UNC79: variants seen among roughly 807,000 people sequenced by gnomAD.
UNC79 encodes unc-79 subunit of NALCN channel complex.
A neutral mutation model predicts 283.1 loss-of-function variants in UNC79; 37 were observed. The observed-to-expected ratio is 0.13, with a 90% confidence interval of 0.10 to 0.17. UNC79 has a LOEUF of 0.17. Among genes scored for constraint, UNC79 ranks in the 10% least tolerant of loss-of-function variants. The pLI is 1.00. For synonymous variants in UNC79, 1,107 were observed against 1,200.2 expected, an observed-to-expected ratio of 0.92 and a Z score of 1.61; for missense variants, 2,272 against 3,211.1, an observed-to-expected ratio of 0.71 and a Z score of 7.07.
chr14:93,685,201 C>T (rs2074142866), intron 42 of UNC79, among the ~76,000 whole-genome samples: 1 of 152,126 alleles, frequency 6.6e-6, no homozygotes. Context: ...GAATAATGCT[C>T]CTAGGAATTA....
chr14:93,441,389 CCTTTT>C (rs1399016831), intron 1 of UNC79, among the ~76,000 whole-genome samples: 3 of 151,946 alleles, frequency 2.0e-5, no homozygotes, highest in African/African-American at 7.2e-5. Context: ...ATCTGAAAAT[CCTTTT>C]CTTTTAATAG....
intron 1 of UNC79, among the ~76,000 whole-genome samples, chr14:93,412,115 T>C (rs1486970159): frequency 6.6e-6 from 1 of 152,174 alleles, no homozygotes; most frequent in Non-Finnish European, 1.5e-5. Flanking sequence ...GAAGCAGAAA[T>C]TCTGGAGTTG....
intron 40 of UNC79, among the ~76,000 whole-genome samples, chr14:93,665,309 T>C (rs2072067407): frequency 6.6e-6 from 1 of 150,552 alleles, no homozygotes; most frequent in South Asian, 2.1e-4. Context: ...AAAAACTTAA[T>C]GGATAGATTA....
At chr14:93,496,537 T>C (rs908832364) in intron 6 of UNC79, 71 bp downstream of exon 6, 12 of 1,097,200 alleles carry the variant, frequency 1.1e-5, no homozygotes, top group Non-Finnish European at 1.4e-5. Flanking sequence ...ACTGTTTACG[T>C]ATTAAAACTG....
chr14:93,493,902 T>TATATATATATATATATATA (rs1491278051), intron 5 of UNC79, among the ~76,000 whole-genome samples: 1 of 14,528 alleles, frequency 6.9e-5, no homozygotes, highest in African/African-American at 1.8e-4. Context: ...TATATATATA[T>TATATATATATATATATATA]TTTTTTTTTT....
chr14:93,653,112 C>T (rs948643202), intron 35 of UNC79, among the ~76,000 whole-genome samples: 6 of 151,962 alleles, frequency 3.9e-5, no homozygotes, highest in Non-Finnish European at 7.4e-5. Context: ...TAACTTACCC[C>T]CTAACTACAT....
At chr14:93,501,342 T>TAA (rs540076096) in intron 7 of UNC79, among the ~76,000 whole-genome samples, 4 of 150,298 alleles carry the variant, frequency 2.7e-5, no homozygotes, top group African/African-American at 9.8e-5. Flanking sequence ...AAAAATAAAT[T>TAA]AAAAAAAAAA....
chr14:93,355,539 G>T (rs2054069097), intron 1 of UNC79, among the ~76,000 whole-genome samples: 1 of 152,236 alleles, frequency 6.6e-6, no homozygotes, highest in Non-Finnish European at 1.5e-5. Flanking sequence ...CACCATGTTG[G>T]CCAGGGTGGT....
chr14:93,457,265 G>T (rs1003158898), intron 1 of UNC79, among the ~76,000 whole-genome samples: 2 of 152,188 alleles, frequency 1.3e-5, no homozygotes, highest in Non-Finnish European at 2.9e-5. Context: ...TGATCTGAAG[G>T]TTCTAGTAGC....
chr14:93,530,352 C>T (rs1365846223), intron 10 of UNC79, among the ~76,000 whole-genome samples: 1 of 152,124 alleles, frequency 6.6e-6, no homozygotes, highest in African/African-American at 2.4e-5. Flanking sequence ...GGGCTGATGG[C>T]TTGAGCCTAG....
At chr14:93,597,310 T>C (rs2065147944) in intron 23 of UNC79, 49 bp from the exon 24 acceptor site, 2 of 1,584,512 alleles carry the variant, frequency 1.3e-6, no homozygotes, top group Non-Finnish European at 1.7e-6. Flanking sequence ...TGCGTGTGCC[T>C]GTAGGTGTGT....
chr14:93,349,047 G>A (rs1178686382), intron 1 of UNC79, among the ~76,000 whole-genome samples: 2 of 152,152 alleles, frequency 1.3e-5, no homozygotes, highest in African/African-American at 4.8e-5. Flanking sequence ...TCATGGCAAG[G>A]TCTGCAGCTT....
intron 1 of UNC79, among the ~76,000 whole-genome samples, chr14:93,409,770 AAC>A (rs1326692858): frequency 2.6e-5 from 4 of 152,346 alleles, no homozygotes; most frequent in African/African-American, 9.6e-5. Flanking sequence ...TATGAATAAA[AAC>A]AGTCAAGATA....
In UNC79 at chr14:93,653,691, C is replaced by T. The variant is rs796716418; in HGVS notation, c.6084-51C>T. On this transcript the variant is annotated intron_variant, in intron 35 of 48. Coordinates refer to ENST00000555664, the Ensembl canonical transcript of UNC79. ...TGAACTCTAAGTAAATATCTGAACA[C>T]CTGCTCACTGGCCCATGACTTCGTG... is the stretch of plus-strand genomic sequence containing the variant. The T allele has an allele frequency of 3.3e-6, 5 of 1,529,266 alleles. No individual in the cohort carries two copies. In the South Asian group the frequency reaches 4.7e-5, roughly 14 times the overall value. The allele number at this position is 1,529,266 out of a possible 1,614,324, so 94.7% of individuals were successfully genotyped here. A position where few individuals can be genotyped will look rare whatever the true frequency, so the allele number is the denominator to read the frequency against.
chr14:93,692,900 G>A (rs1420439445), intron 46 of UNC79, among the ~76,000 whole-genome samples: 1 of 152,126 alleles, frequency 6.6e-6, no homozygotes, highest in Non-Finnish European at 1.5e-5. Flanking sequence ...CTTGTTATGG[G>A]GACACCATCA....
At position 93,550,514 on chromosome 14, in the gene UNC79, C is replaced by CAAAAA. The variant is rs1205210121; in HGVS notation, c.1755+7841_1755+7845dup. Reference sequence around the variant, plus strand: ...TGGGAGACAGAGCAAGACTCCGTATCAAAAAAAAAAAAAAAAAAAAAAAAA... The same window carrying CAAAAA: ...TGGGAGACAGAGCAAGACTCCGTATCAAAAAAAAAAAAAAAAAAAAAAAAAAAAAA... On this transcript the variant is annotated intron_variant, in intron 14 of 48. Transcript: ENST00000555664. 6.6e-3 allele frequency among the ~76,000 whole-genome samples: 126 copies of CAAAAA among 19,172 alleles called. 1 individual carries two copies. Among genetic ancestry groups the CAAAAA allele is most frequent in the Middle Eastern group, 0.026 (1 of 38 alleles). The allele number at this position is 19,172 out of a possible 152,430, so 12.6% of individuals were successfully genotyped here. A position where few individuals can be genotyped will look rare whatever the true frequency, so the allele number is the denominator to read the frequency against.
chr14:93,490,646 A>T (rs2058679215), intron 5 of UNC79, among the ~76,000 whole-genome samples: 1 of 152,178 alleles, frequency 6.6e-6, no homozygotes, highest in South Asian at 2.1e-4. Flanking sequence ...TCTGTCTGAG[A>T]TCGCATCAGA....
At chr14:93,465,662 T>A (rs1278401657) in intron 1 of UNC79, among the ~76,000 whole-genome samples, 1 of 152,202 alleles carries the variant, frequency 6.6e-6, no homozygotes, top group Non-Finnish European at 1.5e-5. Context: ...GTAGTGATGG[T>A]TTTATAGCTC....
rs554530375 is a variant in UNC79, at chr14:93,667,361, A to C, written c.6636+4647A>C. ...GTTGGCAAGACTGATCAAGAAAACC[A>C]GATAAAACACACTGATAAAGAATAT... On this transcript the variant is annotated intron_variant, in intron 40 of 48. Coordinates refer to ENST00000555664, the Ensembl canonical transcript of UNC79. Among the ~76,000 whole-genome samples the C allele has an allele frequency of 2.0e-5, 3 of 152,332 alleles. 1 individual carries two copies. Among genetic ancestry groups the C allele is most frequent in the Admixed American group, 2.0e-4 (3 of 15,294 alleles).
Sources: allele counts gnomAD v4.1 joint callset (sites outside exome capture counted in the v4.1 genomes callset), GRCh38; gene constraint gnomAD v4.1.1; transcripts MANE v1.5; gene names NCBI Gene and HGNC (gene_info 2026-07-23, HGNC 2026-07-21).